The following TBCK variants were observed in gnomAD, a reference collection of about 807,000 sequenced individuals.
The protein encoded by TBCK is TBC domain-containing protein kinase-like protein.
Under a neutral mutation model 113.4 loss-of-function variants are expected in TBCK, and 99 were observed. That is an observed-to-expected ratio of 0.87 (90% CI 0.74 to 1.03). TBCK has a LOEUF of 1.03. TBCK is among the 50% of genes least tolerant of loss of function. The pLI, the probability that TBCK is intolerant of heterozygous loss-of-function variation, is 0.00. For synonymous variants in TBCK, 369 were observed against 370.8 expected, an observed-to-expected ratio of 1.00 and a Z score of 0.05; for missense variants, 1,045 against 1,061.3, an observed-to-expected ratio of 0.98 and a Z score of 0.21.
rs2150041153 is a variant in TBCK, at chr4:106,244,652, G to T, written c.1044C>A (p.Ser348=). The part of the protein sequence containing the change: ...KELVNKEIIR[S]KPPICTLPNF... Reference sequence around the variant, plus strand: ...TGGGGAGTGTGCAGATAGGTGGTTTGGATCGAATGATTTCCTTGTTGACAA... The same window carrying T: ...TGGGGAGTGTGCAGATAGGTGGTTTTGATCGAATGATTTCCTTGTTGACAA... Residue 348 remains serine (S), a synonymous_variant, in exon 11 of 26, where the codon TCC becomes TCA. Transcript: ENST00000394708. 4 of 1,611,008 alleles carry T rather than the reference G, an allele frequency of 2.5e-6. No individual in the cohort carries two copies. The highest frequency in any genetic ancestry group is 1.7e-4 in the Middle Eastern group (1 of 6,030).
At chr4:106,242,659 C>T (rs1372264257) in intron 11 of TBCK, 90 bp from the exon 12 acceptor site, 3 of 754,856 alleles carry the variant, frequency 4.0e-6, no homozygotes, top group Non-Finnish European at 6.1e-6. Context: ...TCATCAATCC[C>T]TTCATCAAAA....
At chr4:106,174,671 T>C (rs1418822050) in intron 22 of TBCK, among the ~76,000 whole-genome samples, 1 of 152,196 alleles carries the variant, frequency 6.6e-6, no homozygotes, top group Non-Finnish European at 1.5e-5. Flanking sequence ...TTAAATCTTC[T>C]ATTCTATAAG....
intron 24 of TBCK, among the ~76,000 whole-genome samples, chr4:106,104,029 C>T (rs1741856985): frequency 6.6e-6 from 1 of 152,174 alleles, no homozygotes; most frequent in Non-Finnish European, 1.5e-5. Context: ...TCCACCAGGG[C>T]CTTCAGTCTT....
chr4:106,160,940 GA>G (rs201896872), intron 23 of TBCK, among the ~76,000 whole-genome samples: 25 of 148,426 alleles, frequency 1.7e-4, no homozygotes, highest in African/African-American at 4.9e-4. Context: ...GCCTTAAGAA[GA>G]AAAAAAAAAT....
intron 5 of TBCK, among the ~76,000 whole-genome samples, chr4:106,259,212 G>A (rs1762276514): frequency 6.6e-6 from 1 of 151,642 alleles, no homozygotes. Flanking sequence ...TAAGAAACCT[G>A]TAATTTGAGT....
chr4:106,278,492 G>A (rs1764239461), intron 3 of TBCK, among the ~76,000 whole-genome samples: 1 of 143,412 alleles, frequency 7.0e-6, no homozygotes, highest in African/African-American at 2.6e-5. Flanking sequence ...CCAGGAGGCA[G>A]AGGTTGCAGT....
intron 19 of TBCK, among the ~76,000 whole-genome samples, chr4:106,219,039 C>T (rs1757341831): frequency 6.6e-6 from 1 of 151,460 alleles, no homozygotes; most frequent in East Asian, 1.9e-4. Flanking sequence ...ACTATGCAGC[C>T]ATAAATAATG....
chr4:106,123,168 T>G (rs1008838136), intron 23 of TBCK, among the ~76,000 whole-genome samples: 1 of 152,200 alleles, frequency 6.6e-6, no homozygotes, highest in African/African-American at 2.4e-5. Context: ...GATAAGCAAC[T>G]TCAGCAAAGT....
chr4:106,230,281 CTTAAAT>C, intron 19 of TBCK, 76 bp downstream of exon 19: 1 of 884,282 alleles, frequency 1.1e-6, no homozygotes, highest in South Asian at 2.8e-5. Context: ...GGGTCAAAAT[CTTAAAT>C]TTAATCAAAT....
intron 23 of TBCK, among the ~76,000 whole-genome samples, chr4:106,147,948 G>A (rs1748012331): frequency 2.0e-5 from 3 of 152,156 alleles, no homozygotes; most frequent in Admixed American, 6.5e-5. Context: ...AAGAGAACAT[G>A]CGCCTGGGGG....
At chr4:106,286,909 G>T (rs1560969349) in intron 3 of TBCK, among the ~76,000 whole-genome samples, 1 of 151,510 alleles carries the variant, frequency 6.6e-6, no homozygotes, top group Non-Finnish European at 1.5e-5. Flanking sequence ...AGGAGGGGTG[G>T]GGGTGGAATA....
chr4:106,220,911 A>G (rs1464386185), intron 19 of TBCK, among the ~76,000 whole-genome samples: 1 of 152,200 alleles, frequency 6.6e-6, no homozygotes. Flanking sequence ...AACAATTACA[A>G]GCATTCAACT....
chr4:106,183,615 T>C (rs1752661814), intron 22 of TBCK, among the ~76,000 whole-genome samples: 1 of 152,058 alleles, frequency 6.6e-6, no homozygotes. Flanking sequence ...AATCAGTGAG[T>C]AAACTTACAT....
chr4:106,147,190 C>G (rs1387256270), intron 23 of TBCK, among the ~76,000 whole-genome samples: 1 of 152,174 alleles, frequency 6.6e-6, no homozygotes, highest in African/African-American at 2.4e-5. Context: ...CAACTTCTTA[C>G]AAACACCTTT....
At chr4:106,134,257 C>A (rs1264009560) in intron 23 of TBCK, among the ~76,000 whole-genome samples, 2 of 151,576 alleles carry the variant, frequency 1.3e-5, no homozygotes, top group Admixed American at 6.6e-5. Flanking sequence ...CACAGAGAGC[C>A]AGGTACACCA....
At chr4:106,172,968 G>T (rs1258069173) in intron 22 of TBCK, among the ~76,000 whole-genome samples, 1 of 152,058 alleles carries the variant, frequency 6.6e-6, no homozygotes, top group Non-Finnish European at 1.5e-5. Context: ...AGGTTATAAG[G>T]CATCTTTTGT....
chr4:106,215,976 C>T (rs1382206407), intron 19 of TBCK, among the ~76,000 whole-genome samples: 1 of 147,956 alleles, frequency 6.8e-6, no homozygotes, highest in Non-Finnish European at 1.5e-5. Flanking sequence ...GTAAAGCTCT[C>T]CTCAGCAAAT....
chr4:106,082,417 T>C (rs1242765641), intron 25 of TBCK, among the ~76,000 whole-genome samples: 1 of 151,922 alleles, frequency 6.6e-6, no homozygotes, highest in African/African-American at 2.4e-5. Flanking sequence ...AAGGGAATAA[T>C]AGATATTAAA....
chr4:106,177,451 A>G (rs1351704772), intron 22 of TBCK, among the ~76,000 whole-genome samples: 1 of 151,772 alleles, frequency 6.6e-6, no homozygotes, highest in Non-Finnish European at 1.5e-5. Flanking sequence ...AACGTGGTCT[A>G]GTAGTTTCAT....
Sources: gnomAD v4.1 joint callset for allele counts (sites outside exome capture counted in the v4.1 genomes callset) on GRCh38, gnomAD v4.1.1 for gene constraint, MANE v1.5 for transcripts, NCBI Gene and HGNC (gene_info 2026-07-23, HGNC 2026-07-21) for gene names.